Variants in KCNQ3 observed in about 807,000 individuals in gnomAD.
KCNQ3 encodes potassium voltage-gated channel subfamily Q member 3.
KCNQ3 carries 30 observed loss-of-function variants against 92.5 expected under a neutral mutation model. That is an observed-to-expected ratio of 0.32 (90% CI 0.24 to 0.44). KCNQ3 has a LOEUF of 0.44. KCNQ3 is among the 20% of genes least tolerant of loss of function. KCNQ3 has a pLI of 1.00. For missense variants in KCNQ3, 913 were observed against 1,140.3 expected (o/e 0.80, Z 2.87); for synonymous variants, 450 against 468.8 (o/e 0.96, Z 0.52).
At chr8:132,150,308 G>C (rs1825596651) in intron 9 of KCNQ3, among the ~76,000 whole-genome samples, 1 of 152,128 alleles carries the variant, frequency 6.6e-6, no homozygotes, top group Non-Finnish European at 1.5e-5. Flanking sequence ...GCAGGGCTTT[G>C]TTTAGCCTTT....
chr8:132,262,972 C>T (rs1815840391), intron 1 of KCNQ3, among the ~76,000 whole-genome samples: 1 of 152,136 alleles, frequency 6.6e-6, no homozygotes, highest in Non-Finnish European at 1.5e-5. Context: ...GTCAAGGGAC[C>T]TGAAGCTCTG....
intron 6 of KCNQ3, among the ~76,000 whole-genome samples, chr8:132,172,999 GA>G: frequency 6.6e-6 from 1 of 152,190 alleles, no homozygotes; most frequent in East Asian, 1.9e-4. Context: ...TTTCTATAGG[GA>G]TGTGGGATAA....
intron 1 of KCNQ3, among the ~76,000 whole-genome samples, chr8:132,376,406 T>C (rs2673608): frequency 0.48 from 73,491 of 152,040 alleles, 20,529 homozygotes; most frequent in African/African-American, 0.78. Context: ...TTCCGTACAG[T>C]CCTCACATTG....
At chr8:132,281,922 C>T (rs1041926452) in intron 1 of KCNQ3, among the ~76,000 whole-genome samples, 3 of 152,194 alleles carry the variant, frequency 2.0e-5, no homozygotes, top group African/African-American at 4.8e-5. Context: ...GAAACTTCAA[C>T]GTGACCTCTC....
intron 1 of KCNQ3, among the ~76,000 whole-genome samples, chr8:132,300,854 G>A (rs1817192477): frequency 6.6e-6 from 1 of 152,214 alleles, no homozygotes; most frequent in Admixed American, 6.5e-5. Context: ...CCGATCACTG[G>A]GCATGATGTG....
intron 8 of KCNQ3, among the ~76,000 whole-genome samples, chr8:132,165,576 A>T (rs1456269433): frequency 2.0e-5 from 3 of 152,168 alleles, no homozygotes; most frequent in Non-Finnish European, 4.4e-5. Context: ...GACTAAGACA[A>T]CCACTCTCAC....
chr8:132,184,122 G>A, intron 3 of KCNQ3, 119 bp downstream of exon 3: 7 of 1,274,360 alleles, frequency 5.5e-6, no homozygotes, highest in Non-Finnish European at 8.0e-6. Flanking sequence ...GTCAGGGGCT[G>A]AGCTGGCCTC....
chr8:132,362,221 T>C (rs1237756952), intron 1 of KCNQ3, among the ~76,000 whole-genome samples: 1 of 152,064 alleles, frequency 6.6e-6, no homozygotes, highest in East Asian at 1.9e-4. Flanking sequence ...CTGGAAAAAA[T>C]AAACATACTT....
chr8:132,447,592 G>A (rs990805088), intron 1 of KCNQ3, among the ~76,000 whole-genome samples: 1 of 152,136 alleles, frequency 6.6e-6, no homozygotes, highest in Admixed American at 6.5e-5. Context: ...AAAAGAGGAC[G>A]TAAACCATAA....
At chr8:132,278,725 C>T (rs1816418532) in intron 1 of KCNQ3, among the ~76,000 whole-genome samples, 1 of 152,144 alleles carries the variant, frequency 6.6e-6, no homozygotes, top group Non-Finnish European at 1.5e-5. Context: ...ATGAGAATCT[C>T]CATTTTAATG....
At chr8:132,252,197 A>C (rs558510040) in intron 1 of KCNQ3, among the ~76,000 whole-genome samples, 12 of 152,118 alleles carry the variant, frequency 7.9e-5, no homozygotes, top group African/African-American at 2.9e-4. Context: ...TCTTGGTCTC[A>C]CTGACTTCAA....
At chr8:132,324,030 G>A (rs981516738) in intron 1 of KCNQ3, among the ~76,000 whole-genome samples, 7 of 152,078 alleles carry the variant, frequency 4.6e-5, no homozygotes, top group South Asian at 2.1e-4. Context: ...CACTGCTTAC[G>A]GTTTCTCTGA....
chr8:132,428,246 C>T (rs1336321628), intron 1 of KCNQ3, among the ~76,000 whole-genome samples: 7 of 152,222 alleles, frequency 4.6e-5, no homozygotes, highest in African/African-American at 1.4e-4. Flanking sequence ...TCTTTAAGAT[C>T]TTCTTTTTCT....
intron 1 of KCNQ3, among the ~76,000 whole-genome samples, chr8:132,428,297 T>C (rs1821161811): frequency 6.6e-6 from 1 of 152,246 alleles, no homozygotes; most frequent in Admixed American, 6.5e-5. Flanking sequence ...TCTCATTCTT[T>C]CTGCCTTAAA....
intron 1 of KCNQ3, among the ~76,000 whole-genome samples, chr8:132,459,964 CTTTAT>C (rs199920992): frequency 0.64 from 97,564 of 151,474 alleles, 31,578 homozygotes; most frequent in Middle Eastern, 0.72. Context: ...TCCAGTATTA[CTTTAT>C]TTTTTGTCTC....
intron 1 of KCNQ3, among the ~76,000 whole-genome samples, chr8:132,398,906 GC>G: frequency 6.6e-6 from 1 of 152,334 alleles, no homozygotes; most frequent in Admixed American, 6.5e-5. Flanking sequence ...CCCTGAGACA[GC>G]CTAAGTTAAA....
intron 1 of KCNQ3, among the ~76,000 whole-genome samples, chr8:132,303,657 G>GTTGTGTGTGT (rs1817312791): frequency 7.5e-5 from 5 of 66,366 alleles, no homozygotes; most frequent in African/African-American, 1.2e-4. Flanking sequence ...ATATATTTAT[G>GTTGTGTGTGT]GTGTGTGTGT....
chr8:132,166,955 T>C lies in KCNQ3; in HGVS notation c.1235+3379A>G, dbSNP rs1826160062. 2.0e-5 allele frequency among the ~76,000 whole-genome samples: 3 copies of C among 152,278 alleles called. No individual in the cohort carries two copies. The South Asian group carries it at 6.2e-4, about 32-fold the overall frequency. ...TATACCCAAGAGAGTTGAAAACATA[T>C]GTCCATAGAATGTGTATGTGAATGT... On this transcript the variant is annotated intron_variant, in intron 8 of 14. Coordinates refer to ENST00000388996, the MANE Select transcript of KCNQ3 (RefSeq NM_004519.4).
At chr8:132,439,438 C>T (rs1821478100) in intron 1 of KCNQ3, among the ~76,000 whole-genome samples, 1 of 152,108 alleles carries the variant, frequency 6.6e-6, no homozygotes, top group African/African-American at 2.4e-5. Context: ...AAAGAAGGTG[C>T]TTCCATTAAA....
Sources: gnomAD v4.1 joint callset for allele counts (sites outside exome capture counted in the v4.1 genomes callset) on GRCh38, gnomAD v4.1.1 for gene constraint, MANE v1.5 for transcripts, NCBI Gene and HGNC (gene_info 2026-07-23, HGNC 2026-07-21) for gene names.